Variants in CCDC7 observed in about 807,000 individuals in gnomAD.
CCDC7 encodes the protein coiled-coil domain-containing protein 7.
Under a neutral mutation model 196.9 loss-of-function variants are expected in CCDC7, and 183 were observed. The observed-to-expected ratio is 0.93, with a 90% CI of 0.82 to 1.05. The LOEUF (loss-of-function observed/expected upper bound fraction) is 1.05, where lower values mean the gene tolerates loss of function less well. CCDC7 is among the 50% of genes least tolerant of loss of function. The pLI is 0.00. For missense variants in CCDC7, 1,540 were observed against 1,482.2 expected (o/e 1.04, Z -0.64); for synonymous variants, 525 against 484.6 (o/e 1.08, Z -1.10).
intron 21 of CCDC7, among the ~76,000 whole-genome samples, chr10:32,679,011 C>A (rs1003311623): frequency 3.9e-5 from 6 of 152,050 alleles, no homozygotes; most frequent in African/African-American, 1.4e-4. Flanking sequence ...TTAAGTTCAA[C>A]TTATCAGAAA....
At chr10:32,606,593 A>AT (rs1218001230) in intron 18 of CCDC7, among the ~76,000 whole-genome samples, 1 of 152,334 alleles carries the variant, frequency 6.6e-6, no homozygotes, top group African/African-American at 2.4e-5. Flanking sequence ...TATGCCCTGG[A>AT]TTTGGGACAT....
intron 23 of CCDC7, among the ~76,000 whole-genome samples, chr10:32,690,059 C>G (rs2076912475): frequency 6.6e-6 from 1 of 152,082 alleles, no homozygotes; most frequent in South Asian, 2.1e-4. Flanking sequence ...TTTGTTAGAC[C>G]AGAAAGGATC....
chr10:32,747,920 C>T (rs1247674648), intron 28 of CCDC7, among the ~76,000 whole-genome samples: 1 of 152,178 alleles, frequency 6.6e-6, no homozygotes, highest in Non-Finnish European at 1.5e-5. Context: ...TGTGCATGTT[C>T]ATCACAGCAC....
intron 8 of CCDC7, among the ~76,000 whole-genome samples, chr10:32,485,273 T>C (rs963881805): frequency 7.9e-5 from 12 of 152,268 alleles, no homozygotes. Context: ...TTTTCTAGTT[T>C]ATTTGCATAG....
chr10:32,841,484 T>C (rs903091294), intron 33 of CCDC7, among the ~76,000 whole-genome samples: 3 of 151,888 alleles, frequency 2.0e-5, no homozygotes, highest in Non-Finnish European at 2.9e-5. Flanking sequence ...CAAGGAAAAC[T>C]ACAAAACACT....
At chr10:32,463,800 T>TA (rs1353018981) in intron 5 of CCDC7, among the ~76,000 whole-genome samples, 4 of 152,222 alleles carry the variant, frequency 2.6e-5, no homozygotes, top group African/African-American at 9.6e-5. Context: ...TCATTGTTTT[T>TA]ATCTCTGGTC....
intron 28 of CCDC7, among the ~76,000 whole-genome samples, chr10:32,747,556 A>G (rs772370200): frequency 6.6e-6 from 1 of 152,204 alleles, no homozygotes; most frequent in Non-Finnish European, 1.5e-5. Flanking sequence ...AAAGACATGA[A>G]CAGACACTTC....
Position 32,671,915 on chromosome 10 carries a change from T to G in CCDC7, c.2122+7754T>G, listed in dbSNP as rs986323949. On this transcript the variant is annotated intron_variant, in intron 21 of 41. Coordinates refer to ENST00000639629, the Ensembl canonical transcript of CCDC7. ...GAATGTTTGCAATTGTGGCAAAGGT[T>G]ATTGGGGTCTTCAGTGGCAATGACT... 2.0e-5 allele frequency among the ~76,000 whole-genome samples: 3 copies of G among 152,282 alleles called. No homozygotes were observed. The South Asian group carries it at 6.2e-4, about 32-fold the overall frequency.
At chr10:32,643,365 C>G (rs1054588487) in intron 20 of CCDC7, among the ~76,000 whole-genome samples, 1 of 152,158 alleles carries the variant, frequency 6.6e-6, no homozygotes, top group Admixed American at 6.5e-5. Flanking sequence ...TTTTCATCTA[C>G]TTGTTTTCTG....
chr10:32,575,629 GA>G (rs2058100275), intron 16 of CCDC7, among the ~76,000 whole-genome samples: 1 of 152,108 alleles, frequency 6.6e-6, no homozygotes, highest in South Asian at 2.1e-4. Flanking sequence ...GGCCTTGTTG[GA>G]AAAAGGGAGA....
chr10:32,609,684 G>A (rs1243837926), intron 18 of CCDC7, among the ~76,000 whole-genome samples: 1 of 152,160 alleles, frequency 6.6e-6, no homozygotes, highest in Non-Finnish European at 1.5e-5. Context: ...GGTGGGAGGT[G>A]ACTGTATAAT....
chr10:32,559,680 A>G (rs2055066644), intron 13 of CCDC7, among the ~76,000 whole-genome samples: 1 of 152,148 alleles, frequency 6.6e-6, no homozygotes, highest in East Asian at 1.9e-4. Context: ...GTATGTCACC[A>G]TCATCAAAGA....
chr10:32,517,955 G>T (rs1289601737), exon 10 of CCDC7: 20 of 1,590,184 alleles, frequency 1.3e-5, no homozygotes, highest in Admixed American at 8.9e-5. Flanking sequence ...AGCTGTAAAT[G>T]ATCAAGTTTT....
intron 31 of CCDC7, among the ~76,000 whole-genome samples, chr10:32,815,277 C>T (rs1379089232): frequency 6.6e-6 from 1 of 151,990 alleles, no homozygotes; most frequent in African/African-American, 2.4e-5. Flanking sequence ...TTAGATTTAG[C>T]AGACAATGAT....
intron 7 of CCDC7, among the ~76,000 whole-genome samples, chr10:32,473,201 T>A (rs554057069): frequency 2.0e-5 from 3 of 152,168 alleles, no homozygotes; most frequent in Non-Finnish European, 4.4e-5. Context: ...GGAATTTGCA[T>A]TGGGTCCACA....
chr10:32,728,786 G>A, intron 26 of CCDC7, 101 bp from the exon 28 acceptor site: 2 of 586,698 alleles, frequency 3.4e-6, no homozygotes, highest in Non-Finnish European at 5.6e-6. Context: ...TAGCATTATG[G>A]TAATTTACTT....
At chr10:32,749,902 T>C (rs1210102139) in intron 28 of CCDC7, among the ~76,000 whole-genome samples, 4 of 152,170 alleles carry the variant, frequency 2.6e-5, no homozygotes, top group African/African-American at 9.7e-5. Flanking sequence ...TACTCTCACA[T>C]AAAATCTTCA....
upstream of CCDC7, among the ~76,000 whole-genome samples, chr10:32,448,210 T>G (rs2031956748): frequency 6.6e-6 from 1 of 152,136 alleles, no homozygotes; most frequent in East Asian, 1.9e-4. Context: ...GTTCTATTGT[T>G]CACAACCTAG....
At chr10:32,481,604 A>G (rs2039974667) in intron 8 of CCDC7, 1 of 152,166 alleles carries the variant, frequency 6.6e-6, no homozygotes, top group African/African-American at 2.4e-5. Flanking sequence ...CTATATACAC[A>G]CTTTCACCAG....
Sources: allele counts gnomAD v4.1 joint callset (sites outside exome capture counted in the v4.1 genomes callset), GRCh38; gene constraint gnomAD v4.1.1; transcripts MANE v1.5; gene names NCBI Gene and HGNC (gene_info 2026-07-23, HGNC 2026-07-21).